The following MID1 variants were observed in gnomAD, a reference collection of about 807,000 sequenced individuals.
MID1 encodes midline 1.
A neutral mutation model predicts 40.4 loss-of-function variants in MID1; 7 were observed. That is an observed-to-expected ratio of 0.17 (90% CI 0.10 to 0.33). The LOEUF (loss-of-function observed/expected upper bound fraction) is 0.33, where lower values mean the gene tolerates loss of function less well. MID1 is among the 10% of genes least tolerant of loss of function. The probability of loss-of-function intolerance (pLI) is 1.00; values close to 1 mark genes in which losing one functional copy is unlikely to be tolerated. For missense variants in MID1, 367 were observed against 558.5 expected, an observed-to-expected ratio of 0.66 and a Z score of 3.46; for synonymous variants, 229 against 221.2, an observed-to-expected ratio of 1.04 and a Z score of -0.31.
intron 2 of MID1, among the ~76,000 whole-genome samples, chrX:10,564,231 T>C (rs5978407): frequency 0.014 from 1,607 of 112,038 alleles, 31 homozygotes; most frequent in African/African-American, 0.048. Flanking sequence ...AACAGAAATA[T>C]ACTTCCTTGG....
rs1292271497 is a variant in MID1, at chrX:10,703,336, G to A, written c.-186-82917C>T. ...TTAGCTACCAACTTATACATTTCAC[G>A]AAGTAACTGCAAAATATAAGCAGAT... is the stretch of plus-strand genomic sequence containing the variant. On this transcript the variant is annotated intron_variant, in intron 1 of 10. Coordinates refer to the MID1 transcript ENST00000380785. Among the ~76,000 whole-genome samples, 4 of 112,142 alleles carry A rather than the reference G, an allele frequency of 3.6e-5. No homozygotes were observed. In the South Asian group the frequency reaches 1.1e-3, roughly 31 times the overall value.
chrX:10,619,996 TGGAATTGATTTA>T (rs897567677), intron 1 of MID1, among the ~76,000 whole-genome samples: 1 of 112,008 alleles, frequency 8.9e-6, no homozygotes. Flanking sequence ...GGCCGCAAAC[TGGAATTGATTTA>T]CATATATTCT....
At chrX:10,691,273 C>T (rs752053098) in intron 1 of MID1, among the ~76,000 whole-genome samples, 96 of 111,727 alleles carry the variant, frequency 8.6e-4, no homozygotes, top group African/African-American at 3.0e-3. Context: ...TGCAGTGGCT[C>T]ACACCTGTAA....
At chrX:10,793,918 T>C (rs111617802) in intron 1 of MID1, among the ~76,000 whole-genome samples, 10,746 of 111,066 alleles carry the variant, frequency 0.097, 1,255 homozygotes, top group African/African-American at 0.33. Flanking sequence ...TCCTTCCATC[T>C]CATCCTCCCT....
At chrX:10,472,835 C>T in intron 6 of MID1, among the ~76,000 whole-genome samples, 1 of 112,011 alleles carries the variant, frequency 8.9e-6, no homozygotes, top group East Asian at 2.8e-4. Flanking sequence ...AAAGAAAGAG[C>T]CTGGGGTCTG....
At chrX:10,516,448 C>A (rs1470428181) in intron 3 of MID1, among the ~76,000 whole-genome samples, 2 of 110,254 alleles carry the variant, frequency 1.8e-5, no homozygotes, top group African/African-American at 6.6e-5. Context: ...CCCACCTGGG[C>A]CTCCCAAAGT....
intron 7 of MID1, among the ~76,000 whole-genome samples, chrX:10,464,155 T>C (rs1929206891): frequency 8.9e-6 from 1 of 112,185 alleles, no homozygotes; most frequent in African/African-American, 3.2e-5. Context: ...TTGCATTTCT[T>C]TTCTTATGGC....
intron 1 of MID1, among the ~76,000 whole-genome samples, chrX:10,638,841 G>C (rs1414004742): frequency 8.9e-6 from 1 of 112,085 alleles, no homozygotes; most frequent in African/African-American, 3.2e-5. Context: ...AAAATTTGCT[G>C]TTCTGCAACA....
At chrX:10,739,141 T>G (rs112361778) in intron 1 of MID1, among the ~76,000 whole-genome samples, 1 of 111,255 alleles carries the variant, frequency 9.0e-6, no homozygotes, top group Admixed American at 9.6e-5. Context: ...GAGAAGCGGG[T>G]CAATTGGTTG....
upstream of MID1, among the ~76,000 whole-genome samples, chrX:10,624,681 G>C (rs1387914842): frequency 9.0e-6 from 1 of 111,610 alleles, no homozygotes; most frequent in Non-Finnish European, 1.9e-5. Context: ...CATAATCTCG[G>C]CTCACTGCAC....
Position 10,523,080 on chromosome X carries a change from A to C in MID1, c.756+12T>G. ...TATGAAACATACCATACAGAAATACAGAGATACTCACTTCAACATGTTGAC... is the reference window on the plus strand; with the variant it reads ...TATGAAACATACCATACAGAAATACCGAGATACTCACTTCAACATGTTGAC... On this transcript the variant is annotated intron_variant, in intron 3 of 9. Coordinates refer to ENST00000317552, the MANE Select transcript of MID1 (RefSeq NM_000381.4). 1.7e-6 allele frequency: 2 copies of C among 1,143,967 alleles called. No homozygotes were observed. The highest frequency in any genetic ancestry group is 2.4e-6 in the Non-Finnish European group (2 of 834,503). The allele number at this position is 1,143,967 out of a possible 1,213,427, so 94.3% of individuals were successfully genotyped here.
intron 7 of MID1, among the ~76,000 whole-genome samples, chrX:10,465,204 TATATATATATACAC>T (rs1398357541): frequency 4.5e-5 from 3 of 67,375 alleles, no homozygotes; most frequent in East Asian, 3.7e-4. Context: ...TATATATATA[TATATATATATACAC>T]ACACACACAC....
intron 1 of MID1, among the ~76,000 whole-genome samples, chrX:10,809,981 CT>C (rs939127216): frequency 5.4e-5 from 6 of 110,961 alleles, no homozygotes; most frequent in East Asian, 2.8e-4. Context: ...AGAAGCCACT[CT>C]TTTTTTTAAG....
intron 3 of MID1, among the ~76,000 whole-genome samples, chrX:10,508,254 A>G (rs1301599625): frequency 8.9e-6 from 1 of 112,272 alleles, no homozygotes; most frequent in Non-Finnish European, 1.9e-5. Flanking sequence ...GTGGTCCAAT[A>G]TGGCCACCAC....
chrX:10,818,401 T>A (rs1341714991), intron 1 of MID1, among the ~76,000 whole-genome samples: 2 of 112,869 alleles, frequency 1.8e-5, no homozygotes, highest in East Asian at 5.6e-4. Flanking sequence ...CTGTCAATTA[T>A]GAATTAAATG....
chrX:10,566,550 T>TCC (rs1204651145), intron 2 of MID1, among the ~76,000 whole-genome samples: 2 of 105,187 alleles, frequency 1.9e-5, no homozygotes, highest in African/African-American at 7.2e-5. Context: ...TCTCTCTCTC[T>TCC]CTCTCTCTCT....
At chrX:10,562,371 T>TAAAAAAAAAAAAAAAAA (rs760465620) in intron 2 of MID1, among the ~76,000 whole-genome samples, 1 of 44,889 alleles carries the variant, frequency 2.2e-5, no homozygotes, top group Non-Finnish European at 4.3e-5. Context: ...GAACTTAAAG[T>TAAAAAAAAAAAAAAAAA]AAAAAAAAAA....
chrX:10,671,510 C>A (rs906732514), intron 1 of MID1, among the ~76,000 whole-genome samples: 15 of 111,590 alleles, frequency 1.3e-4, no homozygotes, highest in African/African-American at 4.9e-4. Context: ...GGTGTCTTCA[C>A]AGATGGGCTT....
chrX:10,726,259 A>T (rs1422860741), intron 1 of MID1, among the ~76,000 whole-genome samples: 2 of 112,129 alleles, frequency 1.8e-5, no homozygotes, highest in African/African-American at 6.5e-5. Flanking sequence ...AATTTGGCAC[A>T]CTCTGTATGA....
Sources: gnomAD v4.1 joint callset for allele counts (sites outside exome capture counted in the v4.1 genomes callset) on GRCh38, gnomAD v4.1.1 for gene constraint, MANE v1.5 for transcripts, NCBI Gene and HGNC (gene_info 2026-07-23, HGNC 2026-07-21) for gene names.